Variants in MCU observed in about 807,000 individuals in gnomAD.
MCU encodes the protein calcium uniporter protein, mitochondrial.
MCU carries 12 observed loss-of-function variants against 45.2 expected under a neutral mutation model. That is an observed-to-expected ratio of 0.27 (90% CI 0.17 to 0.43). The LOEUF is 0.43. Among genes scored for constraint, MCU ranks in the 20% least tolerant of loss-of-function variants. MCU has a pLI of 1.00. For missense variants in MCU, 324 were observed against 436.7 expected (o/e 0.74, Z 2.30); for synonymous variants, 160 against 165.1 (o/e 0.97, Z 0.24).
intron 1 of MCU, among the ~76,000 whole-genome samples, chr10:72,762,786 A>C (rs988929704): frequency 6.6e-6 from 1 of 152,088 alleles, no homozygotes. Flanking sequence ...TGATAGTATA[A>C]TGTCATAAAA....
At chr10:72,824,024 C>A (rs7919738) in intron 1 of MCU, among the ~76,000 whole-genome samples, 79,474 of 151,938 alleles carry the variant, frequency 0.52, 22,709 homozygotes, top group Non-Finnish European at 0.67. Context: ...GCACTCCAGC[C>A]TTGATGGCAG....
At chr10:72,765,221 A>G (rs1268705903) in intron 1 of MCU, among the ~76,000 whole-genome samples, 1 of 152,146 alleles carries the variant, frequency 6.6e-6, no homozygotes. Flanking sequence ...ATTTACAACT[A>G]TTTGATTGTT....
intron 1 of MCU, chr10:72,721,109 A>G (rs943955837): frequency 2.6e-5 from 4 of 154,208 alleles, no homozygotes; most frequent in Admixed American, 1.3e-4. Context: ...CATGCTAACA[A>G]TGTATCTCAC....
Position 72,834,234 on chromosome 10 carries a change from T to C in MCU, c.151-125T>C, listed in dbSNP as rs1844921894. The C allele has an allele frequency of 7.3e-6, 4 of 547,454 alleles. No homozygotes were observed. In the South Asian group the frequency reaches 1.3e-4, roughly 18 times the overall value. 33.9% of individuals were successfully genotyped at this position (547,454 alleles called of 1,614,324 possible). ...TTTTATTTTCTTTTATCTGTATTTT[T>C]AAAGTTTTCTACAAAGCATGCATAT... On this transcript the variant is annotated intron_variant, in intron 1 of 7. Coordinates refer to ENST00000373053, the MANE Select transcript of MCU (RefSeq NM_138357.3).
chr10:72,833,895 G>A (rs748324977), intron 1 of MCU, among the ~76,000 whole-genome samples: 8 of 152,128 alleles, frequency 5.3e-5, no homozygotes, highest in Admixed American at 3.9e-4. Context: ...AAGACCAGAT[G>A]CCTACTCAAT....
At chr10:72,735,572 G>A (rs1274889681) in intron 1 of MCU, among the ~76,000 whole-genome samples, 1 of 152,078 alleles carries the variant, frequency 6.6e-6, no homozygotes, top group Non-Finnish European at 1.5e-5. Flanking sequence ...TATTTTAATG[G>A]TAAACATTTA....
At chr10:72,806,173 T>C (rs1254564526) in intron 1 of MCU, among the ~76,000 whole-genome samples, 1 of 150,400 alleles carries the variant, frequency 6.6e-6, no homozygotes, top group South Asian at 2.1e-4. Flanking sequence ...TTTTTTTTTT[T>C]TGAGACGGAG....
chr10:72,867,493 C>T (rs116265803), intron 4 of MCU, among the ~76,000 whole-genome samples: 341 of 152,250 alleles, frequency 2.2e-3, no homozygotes, highest in African/African-American at 8.0e-3. Flanking sequence ...TACAGCTATT[C>T]TCTGTCTTTC....
rs1424839735 is a variant in MCU at position 72,868,928 on chromosome 10, G to GT, written c.657+71dup. On this transcript the variant is annotated intron_variant, in intron 5 of 7. Transcript: ENST00000373053. ...TTTTTTCCAGAGCATATATGTTTCT[G>GT]TTTTTTCTTGTAAGTTTTATGCAAT... The GT allele has an allele frequency of 2.0e-6, 3 of 1,507,830 alleles. No individual in the cohort carries two copies. In the East Asian group the frequency reaches 7.1e-5, roughly 36 times the overall value. The allele number at this position is 1,507,830 out of a possible 1,614,324, so 93.4% of individuals were successfully genotyped here.
At chr10:72,738,148 A>C (rs929127361) in intron 1 of MCU, among the ~76,000 whole-genome samples, 1 of 152,232 alleles carries the variant, frequency 6.6e-6, no homozygotes, top group South Asian at 2.1e-4. Flanking sequence ...AATTCTGTAA[A>C]TATAACAAAA....
At chr10:72,776,568 CAAAAT>C (rs941080643) in intron 1 of MCU, among the ~76,000 whole-genome samples, 12 of 152,092 alleles carry the variant, frequency 7.9e-5, no homozygotes, top group African/African-American at 2.9e-4. Context: ...GAGCATACCT[CAAAAT>C]AATAAAGGCC....
chr10:72,844,442 A>G (rs772231359), intron 2 of MCU, among the ~76,000 whole-genome samples: 12 of 151,946 alleles, frequency 7.9e-5, no homozygotes, highest in African/African-American at 1.5e-4. Context: ...GGAGGCATAC[A>G]CCTGTAGTTG....
intron 6 of MCU, among the ~76,000 whole-genome samples, chr10:72,881,133 TAAAC>T (rs971868021): frequency 2.6e-5 from 4 of 151,764 alleles, no homozygotes; most frequent in African/African-American, 7.3e-5. Flanking sequence ...CAAAAATAAA[TAAAC>T]AAAAAAGATG....
intron 1 of MCU, among the ~76,000 whole-genome samples, chr10:72,699,032 C>T (rs565299421): frequency 2.0e-5 from 3 of 152,018 alleles, no homozygotes; most frequent in Admixed American, 6.6e-5. Flanking sequence ...TTGAACTCCT[C>T]GGCTCAAGCA....
chr10:72,786,088 A>G (rs894459583), intron 1 of MCU, among the ~76,000 whole-genome samples: 8 of 152,228 alleles, frequency 5.3e-5, no homozygotes, highest in African/African-American at 1.9e-4. Flanking sequence ...TAATACATAA[A>G]GGAACGATTT....
intron 1 of MCU, among the ~76,000 whole-genome samples, chr10:72,829,670 C>CACAAAGTAA (rs1844851552): frequency 2.0e-5 from 3 of 150,114 alleles, no homozygotes; most frequent in African/African-American, 7.3e-5. Flanking sequence ...TTACTATTTT[C>CACAAAGTAA]TTGTGACATG....
intron 4 of MCU, among the ~76,000 whole-genome samples, chr10:72,864,890 G>A (rs1459688786): frequency 6.6e-6 from 1 of 152,126 alleles, no homozygotes; most frequent in Non-Finnish European, 1.5e-5. Context: ...GAAGTACAGG[G>A]CCTATTTTAC....
intron 1 of MCU, among the ~76,000 whole-genome samples, chr10:72,714,091 C>T (rs191731558): frequency 3.3e-5 from 5 of 151,418 alleles, no homozygotes; most frequent in East Asian, 1.9e-4. Context: ...CTCAGCCTCC[C>T]GAGTAGCTGG....
rs553592052 is a variant in MCU, at chr10:72,742,169, C to G, written c.150+49868C>G. On this transcript the variant is annotated intron_variant, in intron 1 of 7. Transcript: ENST00000373053. ...ATATTTACCATTGTTTTACAGTTGC[C>G]TATACTATTTGTTACAGGAACATGT... Among the ~76,000 whole-genome samples the G allele has an allele frequency of 6.6e-5, 10 of 152,080 alleles. No individual in the cohort carries two copies. The East Asian group carries it at 1.9e-3, about 29-fold the overall frequency.
Sources: allele counts gnomAD v4.1 joint callset (sites outside exome capture counted in the v4.1 genomes callset), GRCh38; gene constraint gnomAD v4.1.1; transcripts MANE v1.5; gene names NCBI Gene and HGNC (gene_info 2026-07-23, HGNC 2026-07-21).